ZFHX3: variants seen among roughly 807,000 people sequenced by gnomAD.
The protein encoded by ZFHX3 is zinc finger homeobox protein 3.
A neutral mutation model predicts 279.1 loss-of-function variants in ZFHX3; 42 were observed. The ratio of observed to expected loss-of-function variants is 0.15; its 90% CI spans 0.12 to 0.19. The LOEUF (loss-of-function observed/expected upper bound fraction) is 0.19, where lower values mean the gene tolerates loss of function less well. ZFHX3 is among the 10% of genes least tolerant of loss of function. The pLI is 1.00. For missense variants in ZFHX3, 4,981 were observed against 4,754.0 expected (o/e 1.05, Z -1.40); for synonymous variants, 2,293 against 1,957.8 (o/e 1.17, Z -4.52).
chr16:73,096,387 A>C (rs540071823), intron 7 of ZFHX3, among the ~76,000 whole-genome samples: 8 of 151,172 alleles, frequency 5.3e-5, no homozygotes, highest in Admixed American at 4.0e-4. Flanking sequence ...TTCGTATGCA[A>C]TAGCTGAAGC....
intron 8 of ZFHX3, among the ~76,000 whole-genome samples, chr16:73,086,063 CAT>C (rs1966009185): frequency 1.4e-5 from 2 of 143,024 alleles, no homozygotes; most frequent in African/African-American, 5.2e-5. Flanking sequence ...CAAAAGAAGA[CAT>C]ATGTATGACA....
chr16:72,790,675 A>G (rs1449204511), intron 9 of ZFHX3: 1 of 152,238 alleles, frequency 6.6e-6, no homozygotes, highest in Non-Finnish European at 1.5e-5. Flanking sequence ...ACCAGAGAAG[A>G]TATGTGTGAC....
intron 1 of ZFHX3, among the ~76,000 whole-genome samples, chr16:73,830,489 C>G (rs1312416275): frequency 6.6e-6 from 1 of 152,188 alleles, no homozygotes; most frequent in Admixed American, 6.5e-5. Flanking sequence ...AAGCTAGAAA[C>G]CTGTGGGTAC....
intron 5 of ZFHX3, among the ~76,000 whole-genome samples, chr16:73,169,094 G>T (rs1020933459): frequency 6.6e-6 from 1 of 152,102 alleles, no homozygotes; most frequent in Non-Finnish European, 1.5e-5. Flanking sequence ...TATTTGTGAG[G>T]GTACCTGGCA....
At chr16:73,007,436 T>C (rs1047130217) in intron 1 of ZFHX3, among the ~76,000 whole-genome samples, 1 of 152,178 alleles carries the variant, frequency 6.6e-6, no homozygotes, top group Non-Finnish European at 1.5e-5. Context: ...AGAGCCCTCC[T>C]CATAACTGTT....
intron 7 of ZFHX3, among the ~76,000 whole-genome samples, chr16:72,801,707 G>A (rs1469025017): frequency 2.0e-5 from 3 of 152,170 alleles, no homozygotes; most frequent in Non-Finnish European, 4.4e-5. Flanking sequence ...AAAGCTCATC[G>A]GCAGCTGGTT....
At chr16:73,360,763 T>C (rs968748225) in intron 3 of ZFHX3, among the ~76,000 whole-genome samples, 3 of 152,228 alleles carry the variant, frequency 2.0e-5, no homozygotes, top group Non-Finnish European at 4.4e-5. Flanking sequence ...TACTTAATAA[T>C]TGACAGCATA....
chr16:73,094,870 C>T (rs181230666), intron 7 of ZFHX3, among the ~76,000 whole-genome samples: 7 of 152,036 alleles, frequency 4.6e-5, no homozygotes, highest in Admixed American at 1.3e-4. Context: ...CCGTCATGTC[C>T]GGCTAATTTT....
At chr16:73,853,033 C>T (rs1961628311) in intron 1 of ZFHX3, among the ~76,000 whole-genome samples, 1 of 152,126 alleles carries the variant, frequency 6.6e-6, no homozygotes, top group African/African-American at 2.4e-5. Context: ...ACAGACATTT[C>T]TCAAAACAAG....
chr16:73,584,176 G>A (rs2143829182), intron 2 of ZFHX3, among the ~76,000 whole-genome samples: 1 of 150,842 alleles, frequency 6.6e-6, no homozygotes. Context: ...TTTAGAGGAA[G>A]AAGTTCTAAC....
rs1187392987 is a variant in ZFHX3 at position 72,960,013 on chromosome 16, C to T, written c.133G>A (p.Glu45Lys). Reference sequence around the variant, plus strand: ...AGGCTGTCCAAGGGCCCGTGGCTCTCGCCTGTGGACTGCTCCATGCTACTG... The same window carrying T: ...AGGCTGTCCAAGGGCCCGTGGCTCTTGCCTGTGGACTGCTCCATGCTACTG... ...KPSSMEQSTGESHGPLDSLRA... is the reference protein window; with the variant it reads ...KPSSMEQSTGKSHGPLDSLRA... The change falls in exon 2 of 10, where the codon GAG (glutamate) becomes AAG (lysine). Residue 45 changes from glutamate to lysine, a missense_variant. Transcript: ENST00000268489. 16 of 1,613,948 alleles carry T rather than the reference C, an allele frequency of 9.9e-6. No homozygotes were observed. Among genetic ancestry groups the T allele is most frequent in the East Asian group, 2.2e-5 (1 of 44,864 alleles).
intron 1 of ZFHX3, among the ~76,000 whole-genome samples, chr16:73,682,788 AAAAGAAAG>A (rs201561147): frequency 1.1e-3 from 156 of 147,812 alleles, no homozygotes; most frequent in Middle Eastern, 3.4e-3. Flanking sequence ...ACTTCATTTC[AAAAGAAAG>A]AAAGAAAGAA....
intron 1 of ZFHX3, among the ~76,000 whole-genome samples, chr16:73,814,107 G>A (rs1003920524): frequency 6.6e-6 from 1 of 152,148 alleles, no homozygotes; most frequent in Non-Finnish European, 1.5e-5. Flanking sequence ...TAATTGCAGA[G>A]AGAGCAGTGT....
intron 4 of ZFHX3, among the ~76,000 whole-genome samples, chr16:72,889,318 G>A (rs1035139894): frequency 1.8e-4 from 28 of 152,194 alleles, no homozygotes; most frequent in African/African-American, 6.0e-4. Flanking sequence ...CAGGACACAC[G>A]ATGTAGCATC....
At chr16:73,809,502 C>G (rs151108320) in intron 1 of ZFHX3, 2 of 152,194 alleles carry the variant, frequency 1.3e-5, no homozygotes, top group Non-Finnish European at 2.9e-5. Flanking sequence ...GGAGCTGTCA[C>G]GGATTTATGA....
At chr16:73,387,363 C>A (rs951591831) in intron 3 of ZFHX3, 2 of 151,970 alleles carry the variant, frequency 1.3e-5, no homozygotes, top group Admixed American at 6.5e-5. Flanking sequence ...AAAAAAATAA[C>A]AAATAATGTT....
intron 1 of ZFHX3, among the ~76,000 whole-genome samples, chr16:73,027,741 A>G (rs1052671778): frequency 6.6e-6 from 1 of 152,116 alleles, no homozygotes. Context: ...ATGCCCTTCC[A>G]GGCTGGGATC....
At chr16:73,676,074 C>T (rs1360357654) in intron 2 of ZFHX3, among the ~76,000 whole-genome samples, 2 of 151,900 alleles carry the variant, frequency 1.3e-5, no homozygotes, top group Non-Finnish European at 2.9e-5. Context: ...TTAAAAATAA[C>T]TAAGAACTCA....
intron 5 of ZFHX3, among the ~76,000 whole-genome samples, chr16:73,172,641 T>G (rs1967556195): frequency 1.3e-5 from 2 of 152,264 alleles, no homozygotes; most frequent in African/African-American, 4.8e-5. Context: ...TAAAGCCGGT[T>G]TTTTGAGAGA....
Sources: gnomAD v4.1 joint callset for allele counts (sites outside exome capture counted in the v4.1 genomes callset) on GRCh38, gnomAD v4.1.1 for gene constraint, MANE v1.5 for transcripts, NCBI Gene and HGNC (gene_info 2026-07-23, HGNC 2026-07-21) for gene names.